The following ERBB4 variants were observed in gnomAD, a reference collection of about 807,000 sequenced individuals.
ERBB4 encodes receptor tyrosine-protein kinase erbB-4.
In ERBB4, 42 loss-of-function variants were observed where a neutral mutation model predicts 158.0. The ratio of observed to expected loss-of-function variants is 0.27; its 90% confidence interval spans 0.21 to 0.34. The LOEUF is 0.34. Ranked by LOEUF, ERBB4 falls within the 10% of genes least tolerant of loss-of-function variation. ERBB4 has a pLI of 1.00. For missense variants in ERBB4, 1,333 were observed against 1,624.1 expected, an observed-to-expected ratio of 0.82 and a Z score of 3.08; for synonymous variants, 583 against 558.7, an observed-to-expected ratio of 1.04 and a Z score of -0.61.
chr2:212,097,885 T>C (rs952979501), intron 2 of ERBB4, among the ~76,000 whole-genome samples: 1 of 152,166 alleles, frequency 6.6e-6, no homozygotes, highest in East Asian at 1.9e-4. Context: ...GTGAGAGTTA[T>C]GGAGACAAAG....
chr2:212,500,712 C>A (rs1690841666), intron 1 of ERBB4, among the ~76,000 whole-genome samples: 1 of 151,956 alleles, frequency 6.6e-6, no homozygotes, highest in African/African-American at 2.4e-5. Context: ...GAAGATAGAA[C>A]AAATTACACA....
chr2:211,515,558 G>A (rs1296627776), intron 20 of ERBB4, among the ~76,000 whole-genome samples: 5 of 152,026 alleles, frequency 3.3e-5, no homozygotes, highest in Non-Finnish European at 5.9e-5. Flanking sequence ...TCTCAAGTTA[G>A]ACACATTGAA....
intron 4 of ERBB4, among the ~76,000 whole-genome samples, chr2:211,768,793 T>C (rs1451909925): frequency 7.0e-6 from 1 of 143,150 alleles, no homozygotes; most frequent in African/African-American, 2.5e-5. Context: ...GATGCGAGGG[T>C]TGCCATGAAG....
chr2:211,712,041 A>C lies in ERBB4; in HGVS notation c.1124+9T>G, dbSNP rs201744270. ...TGTAAAATAACTTGCACAAAAATTT[A>C]ATACTGACCCATGAATACCAGTGAC... On this transcript the variant is annotated intron_variant, in intron 9 of 27. Transcript: ENST00000342788. 740 of 1,609,580 alleles carry C rather than the reference A, an allele frequency of 4.6e-4. 1 individual carries two copies. The highest frequency in any genetic ancestry group is 5.8e-4 in the Non-Finnish European group (686 of 1,176,270).
chr2:211,948,723 A>G (rs1205976184), intron 2 of ERBB4, among the ~76,000 whole-genome samples: 1 of 152,110 alleles, frequency 6.6e-6, no homozygotes, highest in Non-Finnish European at 1.5e-5. Flanking sequence ...TACCAATTTC[A>G]TGTTATTCTA....
chr2:212,095,704 G>A (rs1369103597), intron 2 of ERBB4, among the ~76,000 whole-genome samples: 3 of 152,000 alleles, frequency 2.0e-5, no homozygotes, highest in African/African-American at 7.2e-5. Context: ...AGGCCGAGGC[G>A]GGCGGATCAC....
At chr2:211,683,035 G>T in intron 12 of ERBB4, among the ~76,000 whole-genome samples, 1 of 150,854 alleles carries the variant, frequency 6.6e-6, no homozygotes, top group Admixed American at 6.6e-5. Flanking sequence ...TTCTGCATAT[G>T]TGGCTTATGA....
chr2:212,007,883 T>C (rs889040774), intron 2 of ERBB4, among the ~76,000 whole-genome samples: 2 of 152,036 alleles, frequency 1.3e-5, no homozygotes, highest in African/African-American at 4.8e-5. Context: ...GGGTCTTCCT[T>C]ATTCAAGAAA....
At chr2:211,626,303 G>A (rs2125863210) in intron 17 of ERBB4, among the ~76,000 whole-genome samples, 1 of 152,156 alleles carries the variant, frequency 6.6e-6, no homozygotes, top group African/African-American at 2.4e-5. Flanking sequence ...AGCATGTGTG[G>A]AAAAAATATG....
chr2:211,948,828 A>G (rs1443278112), intron 2 of ERBB4, among the ~76,000 whole-genome samples: 2 of 151,996 alleles, frequency 1.3e-5, no homozygotes, highest in African/African-American at 4.8e-5. Context: ...ATTCAGTTTC[A>G]AAGTTGGTGA....
chr2:211,899,010 T>C (rs1056326047), intron 3 of ERBB4, among the ~76,000 whole-genome samples: 1 of 152,186 alleles, frequency 6.6e-6, no homozygotes, highest in Admixed American at 6.5e-5. Flanking sequence ...ACTTCAATAA[T>C]GTTTTGCCCA....
Position 212,218,307 on chromosome 2 carries a change from G to C in ERBB4, c.83-93404C>G, listed in dbSNP as rs1039695858. ...AGGAGGCTTATTCAGAAAATTATAG[G>C]CCATTTATTCCTTCCATAATATATG... On this transcript the variant is annotated intron_variant, in intron 1 of 27. Transcript: ENST00000342788. Among the ~76,000 whole-genome samples the C allele has an allele frequency of 1.1e-4, 16 of 151,284 alleles. 1 individual carries two copies. The highest frequency in any genetic ancestry group is 3.9e-4 in the African/African-American group (16 of 41,430).
chr2:212,400,035 G>A (rs1436844368), intron 1 of ERBB4, among the ~76,000 whole-genome samples: 1 of 152,084 alleles, frequency 6.6e-6, no homozygotes, highest in Non-Finnish European at 1.5e-5. Flanking sequence ...CTGTGAACCA[G>A]GAAGGGGAAG....
At chr2:211,767,656 C>G (rs1335294037) in intron 4 of ERBB4, among the ~76,000 whole-genome samples, 1 of 152,070 alleles carries the variant, frequency 6.6e-6, no homozygotes, top group East Asian at 1.9e-4. Context: ...TAAGAATGAG[C>G]AGAAGGAGAA....
At chr2:212,319,166 C>A (rs4541205) in intron 1 of ERBB4, among the ~76,000 whole-genome samples, 105,869 of 151,478 alleles carry the variant, frequency 0.7, 40,292 homozygotes, top group Non-Finnish European at 0.85. Context: ...AATGGGTCAA[C>A]ATATAATAAC....
chr2:211,546,906 G>A (rs1173889614), intron 20 of ERBB4, among the ~76,000 whole-genome samples: 2 of 152,076 alleles, frequency 1.3e-5, no homozygotes, highest in African/African-American at 4.8e-5. Flanking sequence ...TCGTGACAAG[G>A]CTTGAGTGCA....
chr2:212,296,869 C>A (rs368847482), intron 1 of ERBB4, among the ~76,000 whole-genome samples: 6 of 151,930 alleles, frequency 3.9e-5, no homozygotes, highest in African/African-American at 1.4e-4. Flanking sequence ...TAAGTCTTTG[C>A]AACCCTCAAA....
chr2:212,212,611 A>G (rs1357251729), intron 1 of ERBB4, among the ~76,000 whole-genome samples: 1 of 151,998 alleles, frequency 6.6e-6, no homozygotes, highest in Non-Finnish European at 1.5e-5. Flanking sequence ...TATAGCCAAG[A>G]CAATCCTATG....
chr2:212,324,169 C>T (rs1015813953), intron 1 of ERBB4, among the ~76,000 whole-genome samples: 2 of 150,630 alleles, frequency 1.3e-5, no homozygotes, highest in Non-Finnish European at 3.0e-5. Context: ...CACGAATAAC[C>T]AGCAAGGCCT....
Sources: allele counts gnomAD v4.1 joint callset (sites outside exome capture counted in the v4.1 genomes callset), GRCh38; gene constraint gnomAD v4.1.1; transcripts MANE v1.5; gene names NCBI Gene and HGNC (gene_info 2026-07-23, HGNC 2026-07-21).